Variants in PDIA4 observed in about 807,000 individuals in gnomAD.
PDIA4 encodes protein disulfide-isomerase A4.
In PDIA4, 33 loss-of-function variants were observed where a neutral mutation model predicts 62.1. The observed-to-expected ratio is 0.53, with a 90% CI of 0.40 to 0.71. PDIA4 has a LOEUF of 0.71. Ranked by LOEUF, PDIA4 falls within the 30% of genes least tolerant of loss-of-function variation. PDIA4 has a pLI of 0.00. For synonymous variants in PDIA4, 341 were observed against 324.1 expected, an observed-to-expected ratio of 1.05 and a Z score of -0.56; for missense variants, 804 against 813.6, an observed-to-expected ratio of 0.99 and a Z score of 0.14.
intron 3 of PDIA4, among the ~76,000 whole-genome samples, chr7:149,017,516 G>A (rs957668923): frequency 1.3e-5 from 2 of 152,090 alleles, no homozygotes; most frequent in African/African-American, 2.4e-5. Flanking sequence ...TCCGGGAGGT[G>A]GAGGTTGCGG....
chr7:149,021,440 G>C (rs1437922089), intron 1 of PDIA4, among the ~76,000 whole-genome samples: 3 of 134,148 alleles, frequency 2.2e-5, no homozygotes, highest in African/African-American at 8.5e-5. Flanking sequence ...AGTGAGCCGA[G>C]ATCGCGCCAT....
chr7:149,011,914 T>C lies in PDIA4; in HGVS notation c.911A>G (p.Asp304Gly). ...AAAGACCCCGATGATGATGACATCG[T>C]CTCCATCCTTCAGGAACTCCTGGAC... ...KQVQEFLKDG[D>G]DVIIIGVFKG... Residue 304 changes from aspartate to glycine, a missense_variant, in exon 6 of 10, where the codon GAC becomes GGC. Transcript: ENST00000652332. 5 of 1,609,286 alleles carry C rather than the reference T, an allele frequency of 3.1e-6. No homozygotes were observed. The highest frequency in any genetic ancestry group is 4.2e-6 in the Non-Finnish European group (5 of 1,177,394).
rs756027287 is a variant in PDIA4, at chr7:149,003,602, G to A, written c.*192C>T. 2.1e-4 allele frequency: 88 copies of A among 421,576 alleles called. No individual in the cohort carries two copies. The highest frequency in any genetic ancestry group is 3.2e-4 in the Non-Finnish European group (79 of 244,646). The allele number at this position is 421,576 out of a possible 1,614,324, so 26.1% of individuals were successfully genotyped here. Reference sequence around the variant, plus strand: ...TAGATGTATCCTCTGTAAAAATCTGGACTAAACTATTCAGTCATTCATGGT... The same window carrying A: ...TAGATGTATCCTCTGTAAAAATCTGAACTAAACTATTCAGTCATTCATGGT... On this transcript the variant is annotated 3_prime_UTR_variant, in exon 10 of 10. Transcript: ENST00000652332.
intron 7 of PDIA4, 149 bp downstream of exon 7, chr7:149,008,010 G>C: frequency 1.4e-6 from 1 of 725,318 alleles, no homozygotes; most frequent in Non-Finnish European, 2.2e-6. Context: ...CAGAAAACCT[G>C]TGGGGTGGGG....
At chr7:149,021,984 T>G (rs191022902) in intron 1 of PDIA4, among the ~76,000 whole-genome samples, 309 of 152,268 alleles carry the variant, frequency 2.0e-3, no homozygotes, top group African/African-American at 7.1e-3. Flanking sequence ...ATGTGCCGCC[T>G]CCTCCTCACC....
intron 1 of PDIA4, among the ~76,000 whole-genome samples, chr7:149,024,466 G>C (rs1243701778): frequency 6.6e-6 from 1 of 151,984 alleles, no homozygotes; most frequent in Non-Finnish European, 1.5e-5. Context: ...ATTTTAGTGG[G>C]GGAACACTTT....
At chr7:149,023,180 C>T (rs978108940) in intron 1 of PDIA4, among the ~76,000 whole-genome samples, 12 of 152,150 alleles carry the variant, frequency 7.9e-5, no homozygotes, top group South Asian at 2.1e-4. Flanking sequence ...CTCGGGACTG[C>T]GTGTGTCTGA....
chr7:149,006,378 C>A, intron 7 of PDIA4: 1 of 252,286 alleles, frequency 4.0e-6, no homozygotes, highest in Non-Finnish European at 7.6e-6. Flanking sequence ...AGGGTTATCA[C>A]GGGCTGGGCT....
At chr7:149,004,500 A>G (rs1002056769) in intron 9 of PDIA4, among the ~76,000 whole-genome samples, 1 of 152,226 alleles carries the variant, frequency 6.6e-6, no homozygotes, top group African/African-American at 2.4e-5. Flanking sequence ...AAGCACTGGC[A>G]CTGAGGGCCC....
Position 149,005,885 on chromosome 7 carries a change from G to A in PDIA4, c.1288+12C>T, listed in dbSNP as rs748752817. On this transcript the variant is annotated intron_variant, in intron 8 of 9. Coordinates refer to ENST00000652332, the MANE Select transcript of PDIA4 (RefSeq NM_004911.5). ...CCCCCCACCCCCGCAGGTCTTGGTG[G>A]GGGTCCCTCACCAGCTCTGTAATCA... The A allele has an allele frequency of 2.7e-6, 4 of 1,493,612 alleles. No individual in the cohort carries two copies. Among genetic ancestry groups the A allele is most frequent in the Non-Finnish European group, 3.5e-6 (4 of 1,129,316 alleles). The allele number at this position is 1,493,612 out of a possible 1,614,324, so 92.5% of individuals were successfully genotyped here.
chr7:149,009,281 T>C (rs1823863960), intron 6 of PDIA4, among the ~76,000 whole-genome samples: 1 of 152,074 alleles, frequency 6.6e-6, no homozygotes, highest in South Asian at 2.1e-4. Flanking sequence ...ACCCCATTTC[T>C]ATAAAGATAA....
chr7:149,004,304 C>G, intron 9 of PDIA4, 95 bp from the exon 10 acceptor site: 2 of 1,196,782 alleles, frequency 1.7e-6, no homozygotes, highest in South Asian at 2.9e-5. Context: ...GTTGGTGTGG[C>G]CACCAGACGG....
chr7:149,020,896 G>A, intron 2 of PDIA4, 71 bp downstream of exon 2: 1 of 1,552,090 alleles, frequency 6.4e-7, no homozygotes, highest in Non-Finnish European at 8.7e-7. Context: ...AGGTCTGGAT[G>A]ACCGGGTGAA....
At position 149,003,446 on chromosome 7, in the gene PDIA4, T is replaced by C. The variant is rs1823612174; in HGVS notation, c.*348A>G. The C allele has an allele frequency of 5.5e-6, 1 of 181,640 alleles. No homozygotes were observed. The highest frequency in any genetic ancestry group is 6.2e-5 in the Admixed American group (1 of 16,130). The allele number at this position is 181,640 out of a possible 1,614,324, so 11.3% of individuals were successfully genotyped here. The stretch of plus-strand genomic sequence containing the variant: ...AAGCAAAGAGCAAAATCAACATGAT[T>C]TGGAAAAGGAATTTTAAACCTTAAA... On this transcript the variant is annotated 3_prime_UTR_variant, in exon 10 of 10. Transcript: ENST00000652332.
chr7:149,020,524 T>TA (rs1364686622), intron 2 of PDIA4, among the ~76,000 whole-genome samples: 1 of 151,940 alleles, frequency 6.6e-6, no homozygotes, highest in African/African-American at 2.4e-5. Context: ...ATGTGTGTAG[T>TA]AAAAAATCCA....
chr7:149,006,011 A>G lies in PDIA4; in HGVS notation c.1174T>C (p.Tyr392His). The change falls in exon 8 of 10, where the codon TAC becomes CAC. Residue 392 changes from tyrosine (Y) to histidine (H), a missense_variant. Transcript: ENST00000652332. ...DSAIKDFVLK[Y>H]ALPLVGHRKV... ...CGGTGGCCAACCAGGGGCAGGGCGT[A>G]CTTCAGCACGAAGTCCTTGATGGCC... is the stretch of plus-strand genomic sequence containing the variant. 6.4e-7 allele frequency: 1 copy of G among 1,555,388 alleles called. No individual in the cohort carries two copies. The highest frequency in any genetic ancestry group is 8.6e-7 in the Non-Finnish European group (1 of 1,158,344).
At position 149,018,212 on chromosome 7, in the gene PDIA4, G is replaced by A. The variant is rs535478026; in HGVS notation, c.475+780C>T. ...CCACTGCACTCCAGCCTGGGCAACAGAGTGAGACTAAGTCTCAAAAAAAAA... is the reference window on the plus strand; with the variant it reads ...CCACTGCACTCCAGCCTGGGCAACAAAGTGAGACTAAGTCTCAAAAAAAAA... On this transcript the variant is annotated intron_variant, in intron 3 of 9. Coordinates refer to ENST00000652332, the MANE Select transcript of PDIA4 (RefSeq NM_004911.5). Among the ~76,000 whole-genome samples, 97 of 151,818 alleles carry A rather than the reference G, an allele frequency of 6.4e-4. 2 individuals carry two copies. In the South Asian group the frequency reaches 0.012, roughly 19 times the overall value.
chr7:149,024,409 TTCTA>T (rs748768875), intron 1 of PDIA4, among the ~76,000 whole-genome samples: 3 of 152,184 alleles, frequency 2.0e-5, no homozygotes, highest in Non-Finnish European at 4.4e-5. Context: ...AGCTCTAGCC[TTCTA>T]TCTACCAGAA....
At chr7:149,025,276 G>A (rs565689911) in intron 1 of PDIA4, among the ~76,000 whole-genome samples, 2 of 151,892 alleles carry the variant, frequency 1.3e-5, no homozygotes, top group South Asian at 2.1e-4. Flanking sequence ...CCACTCCCAC[G>A]GGGCACACCT....
Sources: gnomAD v4.1 joint callset for allele counts (sites outside exome capture counted in the v4.1 genomes callset) on GRCh38, gnomAD v4.1.1 for gene constraint, MANE v1.5 for transcripts, NCBI Gene and HGNC (gene_info 2026-07-23, HGNC 2026-07-21) for gene names.